The following TFEC variants were observed in gnomAD, a reference collection of about 807,000 sequenced individuals.
The protein encoded by TFEC is transcription factor EC.
Under a neutral mutation model 41.6 loss-of-function variants are expected in TFEC, and 31 were observed. The observed-to-expected ratio is 0.74, with a 90% confidence interval of 0.56 to 1.01. TFEC has a LOEUF of 1.01. Among genes scored for constraint, TFEC ranks in the 50% least tolerant of loss-of-function variants. TFEC has a pLI of 0.00. For missense variants in TFEC, 402 were observed against 404.1 expected, an observed-to-expected ratio of 0.99 and a Z score of 0.04; for synonymous variants, 143 against 140.6, an observed-to-expected ratio of 1.02 and a Z score of -0.12.
intron 1 of TFEC, among the ~76,000 whole-genome samples, chr7:115,990,330 A>G (rs1794050352): frequency 1.3e-5 from 2 of 152,172 alleles, no homozygotes; most frequent in African/African-American, 4.8e-5. Flanking sequence ...TTCTCCACCA[A>G]AGGAGCGCGG....
Position 116,129,285 on chromosome 7 carries a change from T to C in TFEC, c.-68-17247A>G, listed in dbSNP as rs1026065562. Among the ~76,000 whole-genome samples the C allele has an allele frequency of 3.5e-4, 53 of 152,282 alleles. No homozygotes were observed. In the Middle Eastern group the frequency reaches 0.01, roughly 30 times the overall value. On this transcript the variant is annotated intron_variant, in intron 1 of 8. Coordinates refer to the TFEC transcript ENST00000484212. ...CAGTGGTTCTTTAGATATCATTTGTTCTCTTTTTGTTGAAATAGTTTTTGT... is the reference window on the plus strand; with the variant it reads ...CAGTGGTTCTTTAGATATCATTTGTCCTCTTTTTGTTGAAATAGTTTTTGT...
chr7:116,088,412 T>C (rs1797249807), intron 3 of TFEC, among the ~76,000 whole-genome samples: 1 of 152,124 alleles, frequency 6.6e-6, no homozygotes, highest in South Asian at 2.1e-4. Context: ...GCTAAATATT[T>C]GCGATAATTA....
At position 115,984,361 on chromosome 7, in the gene TFEC, C is replaced by T. The variant is rs143857190; in HGVS notation, c.81G>A (p.Gln27=). The T allele has an allele frequency of 1.2e-6, 2 of 1,614,026 alleles. No homozygotes were observed. The highest frequency in any genetic ancestry group is 2.2e-5 in the East Asian group (1 of 44,892). ...PAVPSGGPLV[Q]HAHTTLDSDA... ...CACTGTCCAGAGTTGTGTGTGCATG[C>T]TGCACAAGAGGCCCACCACTTGGCA... The change falls in exon 2 of 8, where the codon CAG becomes CAA. Residue 27 remains glutamine (Q), a synonymous_variant. Coordinates refer to ENST00000265440, the MANE Select transcript of TFEC (RefSeq NM_012252.4).
chr7:116,156,965 G>A (rs1798882820), intron 1 of TFEC, among the ~76,000 whole-genome samples: 1 of 151,974 alleles, frequency 6.6e-6, no homozygotes, highest in South Asian at 2.1e-4. Context: ...CTTACCTTTT[G>A]TTTAATACTG....
intron 6 of TFEC, among the ~76,000 whole-genome samples, chr7:115,944,848 C>T (rs1791445425): frequency 1.3e-5 from 2 of 151,282 alleles, no homozygotes; most frequent in Non-Finnish European, 2.9e-5. Flanking sequence ...GTAAATAAAA[C>T]TGCAACAAAG....
At chr7:116,121,348 A>G (rs1798104125) in intron 1 of TFEC, 1 of 152,080 alleles carries the variant, frequency 6.6e-6, no homozygotes, top group African/African-American at 2.4e-5. Context: ...TGAAATGTCC[A>G]GAATAGGCAA....
chr7:116,057,724 T>C (rs562386507), intron 3 of TFEC, among the ~76,000 whole-genome samples: 3 of 151,680 alleles, frequency 2.0e-5, no homozygotes, highest in Non-Finnish European at 4.4e-5. Context: ...TCAGTAAAAG[T>C]AAGATTAACG....
chr7:115,955,186 G>A (rs910189195), intron 4 of TFEC, among the ~76,000 whole-genome samples: 3 of 151,934 alleles, frequency 2.0e-5, no homozygotes, highest in African/African-American at 7.2e-5. Flanking sequence ...TATATGGTGT[G>A]GTTGTATTTA....
chr7:116,129,193 C>T (rs1334116287), intron 1 of TFEC, among the ~76,000 whole-genome samples: 1 of 152,082 alleles, frequency 6.6e-6, no homozygotes, highest in Non-Finnish European at 1.5e-5. Context: ...TCGAAGGGTT[C>T]TTTTTTCAGG....
At chr7:116,106,368 T>G (rs999728739) in intron 3 of TFEC, among the ~76,000 whole-genome samples, 1 of 151,802 alleles carries the variant, frequency 6.6e-6, no homozygotes, top group Non-Finnish European at 1.5e-5. Context: ...TTCAGTTTTT[T>G]GTTTTTTGTT....
At chr7:116,077,500 GCCAA>G (rs1212115821) in intron 3 of TFEC, among the ~76,000 whole-genome samples, 1 of 151,954 alleles carries the variant, frequency 6.6e-6, no homozygotes, top group Non-Finnish European at 1.5e-5. Flanking sequence ...ATAAGAATTC[GCCAA>G]CCAAGTTTCT....
upstream of TFEC, among the ~76,000 whole-genome samples, chr7:116,032,115 T>G (rs1398457821): frequency 6.6e-6 from 1 of 152,174 alleles, no homozygotes; most frequent in South Asian, 2.1e-4. Context: ...TGTATTACTA[T>G]GTGGGCTTCA....
upstream of TFEC, among the ~76,000 whole-genome samples, chr7:116,033,879 G>C (rs959123488): frequency 6.6e-5 from 10 of 152,088 alleles, no homozygotes; most frequent in African/African-American, 2.4e-4. Flanking sequence ...ACTCAAAAGA[G>C]CTATCAATAC....
chr7:116,091,630 G>T (rs1212734946), intron 3 of TFEC, among the ~76,000 whole-genome samples: 2 of 152,030 alleles, frequency 1.3e-5, no homozygotes, highest in Non-Finnish European at 2.9e-5. Flanking sequence ...CTTCCAAATA[G>T]ATGTCAAAAT....
At position 115,938,107 on chromosome 7, in the gene TFEC, T is replaced by C. The variant is rs1793319690; in HGVS notation, c.*2444A>G. The C allele has an allele frequency of 6.6e-6, 1 of 151,886 alleles. No individual in the cohort carries two copies. Among genetic ancestry groups the C allele is most frequent in the Non-Finnish European group, 1.5e-5 (1 of 67,882 alleles). 9.4% of individuals were successfully genotyped at this position (151,886 alleles called of 1,614,324 possible). A position where few individuals can be genotyped will look rare whatever the true frequency, so the allele number is the denominator to read the frequency against. On this transcript the variant is annotated 3_prime_UTR_variant, in exon 8 of 8. Transcript: ENST00000265440. ...CCAGATCTCTTGTGTCCAGGCTCTA[T>C]CATCCTGTGCCAAGTCCTTATCTCA...
intron 1 of TFEC, among the ~76,000 whole-genome samples, chr7:116,026,606 C>T (rs772086911): frequency 1.3e-5 from 2 of 152,164 alleles, no homozygotes; most frequent in African/African-American, 2.4e-5. Context: ...TGTCATCAGT[C>T]ATGTCACTGG....
chr7:115,956,638 T>A (rs1792249252), intron 4 of TFEC, 41 bp downstream of exon 4: 1 of 1,426,448 alleles, frequency 7.0e-7, no homozygotes, highest in Admixed American at 1.9e-5. Context: ...CTTATGTCAT[T>A]AATAAAAATA....
chr7:116,122,085 T>C (rs1053497266), intron 1 of TFEC, among the ~76,000 whole-genome samples: 3 of 152,050 alleles, frequency 2.0e-5, no homozygotes, highest in African/African-American at 7.2e-5. Flanking sequence ...CTGAAGCCAC[T>C]GAAATTGTAA....
intron 3 of TFEC, among the ~76,000 whole-genome samples, chr7:115,962,268 C>A (rs1415363621): frequency 6.6e-6 from 1 of 151,780 alleles, no homozygotes; most frequent in Non-Finnish European, 1.5e-5. Flanking sequence ...GCAATACTAT[C>A]TAAAGCAGTC....
Sources: allele counts gnomAD v4.1 joint callset (sites outside exome capture counted in the v4.1 genomes callset), GRCh38; gene constraint gnomAD v4.1.1; transcripts MANE v1.5; gene names NCBI Gene and HGNC (gene_info 2026-07-23, HGNC 2026-07-21).